The following HHLA2 variants were observed in gnomAD, a reference collection of about 807,000 sequenced individuals.
HHLA2 encodes the protein HHLA2 member of B7 family.
Under a neutral mutation model 45.9 loss-of-function variants are expected in HHLA2, and 48 were observed. That is an observed-to-expected ratio of 1.05 (90% CI 0.83 to 1.33). HHLA2 has a LOEUF of 1.33. Among genes scored for constraint, HHLA2 ranks in the 40% most tolerant of loss-of-function variants. HHLA2 has a pLI of 0.00. For synonymous variants in HHLA2, 161 were observed against 173.9 expected (o/e 0.93, Z 0.59); for missense variants, 462 against 494.3 (o/e 0.93, Z 0.62).
chr3:108,335,639 C>T lies in HHLA2; in HGVS notation c.-27+7292C>T, dbSNP rs140686699. On this transcript the variant is annotated intron_variant, in intron 3 of 10. Coordinates refer to ENST00000619531, the Ensembl canonical transcript of HHLA2. The stretch of plus-strand genomic sequence containing the variant: ...TAAGAAAAAGGATGCAATCATGGAA[C>T]ATTCAATGGATCCAGAACATGAGAC... 2.6e-5 allele frequency among the ~76,000 whole-genome samples: 4 copies of T among 152,250 alleles called. No individual in the cohort carries two copies. The East Asian group carries it at 7.7e-4, about 29-fold the overall frequency.
In HHLA2 at chr3:108,377,268, GA is replaced by G; in HGVS notation, c.1239del (p.Val414TyrfsTer4). The G allele has an allele frequency of 1.3e-6, 2 of 1,573,088 alleles. No homozygotes were observed. Among genetic ancestry groups the G allele is most frequent in the Non-Finnish European group, 1.7e-6 (2 of 1,145,360 alleles). On this transcript the variant is annotated frameshift_variant, in exon 11 of 11. Transcript: ENST00000619531. LOFTEE classifies it high-confidence loss of function. ...TTTTCTTGCTTCTAGCCTCTTTCAG[GA>G]AAAGTATAGGAAATGAGAGAAGACT...
intron 1 of HHLA2, among the ~76,000 whole-genome samples, 186 bp from the exon 2 acceptor site, chr3:108,310,469 G>T (rs2081000710): frequency 6.6e-6 from 1 of 151,958 alleles, no homozygotes; most frequent in South Asian, 2.1e-4. Context: ...TAATTTTTTT[G>T]AAATTTCTTG....
At chr3:108,370,436 G>A (rs1317583329) in intron 8 of HHLA2, among the ~76,000 whole-genome samples, 2 of 152,160 alleles carry the variant, frequency 1.3e-5, no homozygotes, top group African/African-American at 2.4e-5. Context: ...TCCTCCAAAG[G>A]AACGCAGCTC....
At chr3:108,376,673 A>C in intron 10 of HHLA2, 116 bp downstream of exon 9, 1 of 856,054 alleles carries the variant, frequency 1.2e-6, no homozygotes, top group East Asian at 2.8e-5. Flanking sequence ...TACAGAAAAA[A>C]ACAGCAGCAG....
rs867370403 is a variant in HHLA2, at chr3:108,351,265, G to T, written c.-26-523G>T. 2.6e-5 allele frequency among the ~76,000 whole-genome samples: 4 copies of T among 152,090 alleles called. No individual in the cohort carries two copies. In the South Asian group the frequency reaches 8.3e-4, roughly 32 times the overall value. ...AAAAATATATTTTCAGGTTTTAGTT[G>T]TTCTTTATGTGTGATTATAAATAAC... is the stretch of plus-strand genomic sequence containing the variant. On this transcript the variant is annotated intron_variant, in intron 3 of 10. Transcript: ENST00000619531.
chr3:108,358,034 A>C, exon 7 of HHLA2: 1 of 1,613,754 alleles, frequency 6.2e-7, no homozygotes, highest in Non-Finnish European at 8.5e-7. Context: ...CATGGAACAA[A>C]GAGCTGATAA....
intron 7 of HHLA2, 67 bp from the exon 7 acceptor site, chr3:108,362,275 C>A (rs2081994470): frequency 6.2e-6 from 7 of 1,136,256 alleles, no homozygotes; most frequent in Non-Finnish European, 9.0e-6. Flanking sequence ...CCTTACCCAC[C>A]CACACATTTC....
At chr3:108,370,753 G>A (rs572592860) in intron 8 of HHLA2, among the ~76,000 whole-genome samples, 168 of 152,274 alleles carry the variant, frequency 1.1e-3, no homozygotes, top group Non-Finnish European at 1.8e-3. Context: ...TGAATGAAAC[G>A]AAGCGAGAAG....
chr3:108,358,298 G>A, intron 7 of HHLA2, 137 bp downstream of exon 6: 1 of 628,040 alleles, frequency 1.6e-6, no homozygotes, highest in Middle Eastern at 4.3e-4. Context: ...GATATTTCTG[G>A]TCAGGATGTC....
chr3:108,375,707 G>A lies in HHLA2; in HGVS notation c.1109-43G>A, dbSNP rs1248789799. 6.3e-6 allele frequency: 10 copies of A among 1,597,350 alleles called. No individual in the cohort carries two copies. In the South Asian group the frequency reaches 7.8e-5, roughly 13 times the overall value. On this transcript the variant is annotated intron_variant, in intron 8 of 10. Transcript: ENST00000619531. The stretch of plus-strand genomic sequence containing the variant: ...TGACCTTACAGGGAAACAGCTGGGA[G>A]AGTAAATACCTAATTTCACTCTTCC...
At chr3:108,336,609 T>C (rs2081475740) in intron 3 of HHLA2, among the ~76,000 whole-genome samples, 1 of 152,148 alleles carries the variant, frequency 6.6e-6, no homozygotes, top group African/African-American at 2.4e-5. Flanking sequence ...CTGAGGTGAC[T>C]GACCTTGCCT....
intron 5 of HHLA2, 112 bp from the exon 5 acceptor site, chr3:108,355,003 C>T: frequency 1.8e-6 from 2 of 1,121,772 alleles, no homozygotes; most frequent in Non-Finnish European, 1.2e-6. Context: ...CCAAGTTTTG[C>T]TCATAAAATT....
chr3:108,310,696 G>A (rs1197196860), exon 2 of HHLA2: 2 of 152,568 alleles, frequency 1.3e-5, no homozygotes, highest in Non-Finnish European at 2.9e-5. Context: ...TCTCAAGGCT[G>A]ATTTGAAAGC....
intron 3 of HHLA2, among the ~76,000 whole-genome samples, chr3:108,330,125 A>G (rs2081358517): frequency 6.6e-6 from 1 of 152,308 alleles, no homozygotes; most frequent in Admixed American, 6.5e-5. Flanking sequence ...AGAGTGAGTG[A>G]TCAGAGAGTG....
chr3:108,322,682 C>T (rs2081224240), intron 2 of HHLA2, among the ~76,000 whole-genome samples: 2 of 152,172 alleles, frequency 1.3e-5, no homozygotes, highest in Non-Finnish European at 2.9e-5. Context: ...TCATTCCAGA[C>T]TAGCCTGGGT....
intron 2 of HHLA2, among the ~76,000 whole-genome samples, chr3:108,328,041 G>A (rs561612969): frequency 2.6e-5 from 4 of 152,214 alleles, no homozygotes; most frequent in Admixed American, 2.0e-4. Context: ...GCTGAGGCAG[G>A]AGAATCACTT....
chr3:108,376,698 T>C, intron 10 of HHLA2, 141 bp downstream of exon 9: 1 of 627,100 alleles, frequency 1.6e-6, no homozygotes, highest in East Asian at 3.0e-5. Flanking sequence ...TGCAGGATAA[T>C]ATAGCACGAA....
intron 3 of HHLA2, among the ~76,000 whole-genome samples, chr3:108,338,428 G>T (rs567802568): frequency 3.9e-5 from 6 of 152,212 alleles, no homozygotes; most frequent in African/African-American, 1.4e-4. Flanking sequence ...GAATTAAGAA[G>T]CATGGGAACC....
chr3:108,356,394 G>C (rs1374380118), intron 6 of HHLA2, among the ~76,000 whole-genome samples: 1 of 152,022 alleles, frequency 6.6e-6, no homozygotes, highest in Non-Finnish European at 1.5e-5. Context: ...GGGGGAAAAT[G>C]GAGGTTATCT....
Sources: allele counts gnomAD v4.1 joint callset (sites outside exome capture counted in the v4.1 genomes callset), GRCh38; gene constraint gnomAD v4.1.1; transcripts MANE v1.5; gene names NCBI Gene and HGNC (gene_info 2026-07-23, HGNC 2026-07-21).